RECK: variants seen among roughly 807,000 people sequenced by gnomAD.
The protein encoded by RECK is reversion-inducing cysteine-rich protein with Kazal motifs.
RECK carries 69 observed loss-of-function variants against 115.1 expected under a neutral mutation model. That is an observed-to-expected ratio of 0.60 (90% CI 0.49 to 0.73). RECK has a LOEUF of 0.73. RECK is among the 30% of genes least tolerant of loss of function. The probability of loss-of-function intolerance (pLI) is 0.00; values close to 1 mark genes in which losing one functional copy is unlikely to be tolerated. For synonymous variants in RECK, 414 were observed against 419.7 expected, an observed-to-expected ratio of 0.99 and a Z score of 0.17; for missense variants, 1,047 against 1,203.7, an observed-to-expected ratio of 0.87 and a Z score of 1.93.
intron 16 of RECK, among the ~76,000 whole-genome samples, chr9:36,116,189 C>T (rs1157854003): frequency 1.0e-4 from 15 of 144,934 alleles, no homozygotes; most frequent in African/African-American, 3.3e-4. Flanking sequence ...GGTGCAATGG[C>T]GCGATATCAG....
Position 36,059,652 on chromosome 9 carries a change from T to C in RECK, c.235-467T>C, listed in dbSNP as rs1821680675. Among the ~76,000 whole-genome samples the C allele has an allele frequency of 2.0e-5, 3 of 152,224 alleles. No individual in the cohort carries two copies. In the South Asian group the frequency reaches 6.2e-4, roughly 32 times the overall value. ...ATATATTGCTTACCTATCTGAATCA[T>C]GTAACTTTAAGACCTTTTAAAGGTC... is the stretch of plus-strand genomic sequence containing the variant. On this transcript the variant is annotated intron_variant, in intron 3 of 20. Transcript: ENST00000377966.
intron 10 of RECK, among the ~76,000 whole-genome samples, chr9:36,097,327 CAAAA>C (rs56837267): frequency 4.3e-5 from 3 of 69,626 alleles, no homozygotes. Context: ...GACTCCATCT[CAAAA>C]AAAAAAAAAA....
At chr9:36,115,004 T>A (rs745429581) in intron 16 of RECK, among the ~76,000 whole-genome samples, 1 of 152,134 alleles carries the variant, frequency 6.6e-6, no homozygotes, top group Non-Finnish European at 1.5e-5. Context: ...CATGGGCTTG[T>A]ATTATGTGTT....
At chr9:36,102,350 C>A (rs899775978) in intron 12 of RECK, 120 bp downstream of exon 12, 4 of 836,890 alleles carry the variant, frequency 4.8e-6, no homozygotes, top group Admixed American at 5.6e-5. Context: ...TCAATGATAC[C>A]ATCTCAATCA....
chr9:36,100,982 T>G (rs1343023771), intron 11 of RECK, among the ~76,000 whole-genome samples: 1 of 152,044 alleles, frequency 6.6e-6, no homozygotes, highest in Non-Finnish European at 1.5e-5. Context: ...TGTGTTTTTT[T>G]TTTGAGATGG....
chr9:36,105,073 A>T, intron 12 of RECK, 70 bp from the exon 13 acceptor site: 1 of 1,301,196 alleles, frequency 7.7e-7, no homozygotes, highest in Non-Finnish European at 1.1e-6. Flanking sequence ...AGCCATAATT[A>T]ATTCAGATAA....
At chr9:36,040,895 G>A (rs1314810438) in intron 1 of RECK, among the ~76,000 whole-genome samples, 1 of 152,086 alleles carries the variant, frequency 6.6e-6, no homozygotes, top group Non-Finnish European at 1.5e-5. Context: ...CATTTTGGAG[G>A]AGGGTTGTAA....
chr9:36,039,612 A>G (rs559833711), intron 1 of RECK, among the ~76,000 whole-genome samples: 1 of 152,326 alleles, frequency 6.6e-6, no homozygotes, highest in South Asian at 2.1e-4. Flanking sequence ...CAGTATCAGC[A>G]TCGTGTGTCA....
intron 8 of RECK, among the ~76,000 whole-genome samples, chr9:36,084,590 G>A (rs1286235832): frequency 6.6e-6 from 1 of 152,158 alleles, no homozygotes; most frequent in Non-Finnish European, 1.5e-5. Context: ...AGCTACTCGG[G>A]AGGCTGAGGC....
chr9:36,066,819 A>G (rs1307278993), intron 6 of RECK: 2 of 1,289,016 alleles, frequency 1.6e-6, no homozygotes, highest in Non-Finnish European at 1.0e-6. Context: ...GGATTTCTGC[A>G]TTGCCCTAGG....
Position 36,087,905 on chromosome 9 carries a change from A to G in RECK, c.849A>G (p.Thr283=), listed in dbSNP as rs201258733. Residue 283 remains threonine, a synonymous_variant, in exon 9 of 21, where the codon ACA becomes ACG. Coordinates refer to ENST00000377966, the MANE Select transcript of RECK (RefSeq NM_021111.3). Reference sequence around the variant, plus strand: ...TCACTGTACACCCTCCTCCCTCTACAGGCCTCGATGGGGCTAAATTGCATT... The same window carrying G: ...TCACTGTACACCCTCCTCCCTCTACGGGCCTCGATGGGGCTAAATTGCATT... ...PGVTVHPPPS[T]GLDGAKLHCC... The G allele has an allele frequency of 1.9e-6, 3 of 1,613,590 alleles. No individual in the cohort carries two copies. The highest frequency in any genetic ancestry group is 4.5e-5 in the East Asian group (2 of 44,872).
intron 20 of RECK, among the ~76,000 whole-genome samples, chr9:36,122,198 C>A (rs1055215406): frequency 6.6e-6 from 1 of 152,144 alleles, no homozygotes; most frequent in African/African-American, 2.4e-5. Flanking sequence ...TCACGTAGAC[C>A]CAAGTTTCAA....
At chr9:36,075,924 T>C (rs945871148) in intron 6 of RECK, among the ~76,000 whole-genome samples, 1 of 152,192 alleles carries the variant, frequency 6.6e-6, no homozygotes, top group South Asian at 2.1e-4. Context: ...AAGATTCATA[T>C]GATCAGTGTT....
At chr9:36,065,472 T>A in intron 5 of RECK, 105 bp from the exon 6 acceptor site, 1 of 738,138 alleles carries the variant, frequency 1.4e-6, no homozygotes. Context: ...CTTGATGAAA[T>A]AAAGGATACT....
intron 13 of RECK, 151 bp downstream of exon 13, chr9:36,105,434 T>C: frequency 1.1e-5 from 8 of 697,572 alleles, no homozygotes; most frequent in Admixed American, 1.0e-4. Flanking sequence ...TTCTATATTA[T>C]GTTTTTCTAT....
intron 10 of RECK, among the ~76,000 whole-genome samples, chr9:36,098,744 T>A (rs1418567947): frequency 2.0e-5 from 3 of 152,048 alleles, no homozygotes; most frequent in Admixed American, 1.3e-4. Flanking sequence ...TTGTGGTGCA[T>A]CCAAACAATG....
intron 9 of RECK, among the ~76,000 whole-genome samples, chr9:36,089,723 T>C (rs966970873): frequency 3.3e-5 from 5 of 152,208 alleles, no homozygotes; most frequent in African/African-American, 1.2e-4. Context: ...ATGTCGTGTT[T>C]AGACTTGGGT....
intron 10 of RECK, among the ~76,000 whole-genome samples, chr9:36,099,040 A>G (rs1457003258): frequency 6.6e-6 from 1 of 152,178 alleles, no homozygotes; most frequent in African/African-American, 2.4e-5. Flanking sequence ...AGCCTGGGCA[A>G]CATGGCAAAA....
chr9:36,091,383 C>A, intron 10 of RECK, 40 bp downstream of exon 10: 1 of 1,328,064 alleles, frequency 7.5e-7, no homozygotes. Flanking sequence ...AATATTTTAT[C>A]ATTAATTATA....
Sources: allele counts gnomAD v4.1 joint callset (sites outside exome capture counted in the v4.1 genomes callset), GRCh38; gene constraint gnomAD v4.1.1; transcripts MANE v1.5; gene names NCBI Gene and HGNC (gene_info 2026-07-23, HGNC 2026-07-21).